Variants in CENPW observed in about 807,000 individuals in gnomAD.
CENPW encodes centromere protein W.
CENPW carries 3 observed loss-of-function variants against 11.1 expected under a neutral mutation model. That is an observed-to-expected ratio of 0.27 (90% confidence interval 0.12 to 0.70). CENPW has a LOEUF of 0.70. CENPW is among the 30% of genes least tolerant of loss of function. CENPW has a pLI of 0.77. For missense variants in CENPW, 100 were observed against 105.6 expected (o/e 0.95, Z 0.23); for synonymous variants, 38 against 42.0 (o/e 0.91, Z 0.37).
the CENPW span, among the ~76,000 whole-genome samples, chr6:126,472,254 C>G: frequency 6.6e-6 from 1 of 152,126 alleles, no homozygotes; most frequent in East Asian, 1.9e-4. Flanking sequence ...AATACATAAT[C>G]AAGAAATGTA....
chr6:126,428,559 G>A, the CENPW span, among the ~76,000 whole-genome samples: 13 of 152,056 alleles, frequency 8.5e-5, no homozygotes, highest in Non-Finnish European at 1.5e-4. Flanking sequence ...GGGTTTAGGC[G>A]CAACACATTC....
At chr6:126,356,575 T>G in the CENPW span, among the ~76,000 whole-genome samples, 1 of 152,220 alleles carries the variant, frequency 6.6e-6, no homozygotes, top group African/African-American at 2.4e-5. Flanking sequence ...AAGCATTCCC[T>G]TTTCTTTGCA....
At chr6:126,393,699 A>T in the CENPW span, among the ~76,000 whole-genome samples, 1 of 150,214 alleles carries the variant, frequency 6.7e-6, no homozygotes, top group Non-Finnish European at 1.5e-5. Context: ...GACCTAATGT[A>T]TGTTCTGTCC....
chr6:126,343,011 G>A (rs116753891), intron 1 of CENPW, among the ~76,000 whole-genome samples: 220 of 152,254 alleles, frequency 1.4e-3, no homozygotes, highest in African/African-American at 4.9e-3. Flanking sequence ...AAATGTAAAG[G>A]AATGCTGTGC....
the CENPW span, among the ~76,000 whole-genome samples, chr6:126,427,839 C>T: frequency 6.6e-6 from 1 of 152,188 alleles, no homozygotes; most frequent in Non-Finnish European, 1.5e-5. Context: ...ACTGACTGTA[C>T]ACGTGATGCC....
At chr6:126,363,085 A>G in the CENPW span, among the ~76,000 whole-genome samples, 1 of 152,236 alleles carries the variant, frequency 6.6e-6, no homozygotes, top group East Asian at 1.9e-4. Context: ...TGTTTCTTTA[A>G]TGAACAACAA....
At chr6:126,457,558 T>A in the CENPW span, among the ~76,000 whole-genome samples, 17 of 151,252 alleles carry the variant, frequency 1.1e-4, no homozygotes, top group African/African-American at 3.4e-4. Flanking sequence ...TGGGGCCTAC[T>A]GTAATCATTC....
chr6:126,356,652 C>T, the CENPW span, among the ~76,000 whole-genome samples: 264 of 152,146 alleles, frequency 1.7e-3, 1 homozygote, highest in Admixed American at 4.0e-3. Context: ...GATAGTATCT[C>T]ATTATGGTTT....
the CENPW span, among the ~76,000 whole-genome samples, chr6:126,461,581 A>G: frequency 6.6e-6 from 1 of 151,930 alleles, no homozygotes; most frequent in Non-Finnish European, 1.5e-5. Context: ...TAGTCTTCTC[A>G]TCTTTAAAAT....
chr6:126,391,212 T>G, the CENPW span, among the ~76,000 whole-genome samples: 1 of 152,042 alleles, frequency 6.6e-6, no homozygotes. Context: ...AATGCATTTC[T>G]CTGATGATCA....
chr6:126,357,332 C>A, the CENPW span, among the ~76,000 whole-genome samples: 1 of 152,050 alleles, frequency 6.6e-6, no homozygotes, highest in Non-Finnish European at 1.5e-5. Context: ...ATTACTGTAG[C>A]CTTATAGTAT....
chr6:126,424,348 C>T, the CENPW span, among the ~76,000 whole-genome samples: 2 of 152,088 alleles, frequency 1.3e-5, no homozygotes, highest in Non-Finnish European at 2.9e-5. Context: ...TCTTATTCAG[C>T]TAGTATGATA....
the CENPW span, among the ~76,000 whole-genome samples, chr6:126,482,278 T>TTTCCAGCAAGTACAATTTTCC: frequency 6.6e-6 from 1 of 152,022 alleles, no homozygotes; most frequent in African/African-American, 2.4e-5. Flanking sequence ...AGATAAGTGC[T>TTTCCAGCAAGTACAATTTTCC]TTCCAGCAAG....
the CENPW span, among the ~76,000 whole-genome samples, chr6:126,383,581 T>C: frequency 8.6e-5 from 13 of 151,156 alleles, no homozygotes; most frequent in South Asian, 2.1e-4. Flanking sequence ...TGGAGAAAAA[T>C]CTACCAAGGA....
At chr6:126,366,299 C>CT in the CENPW span, among the ~76,000 whole-genome samples, 4 of 151,888 alleles carry the variant, frequency 2.6e-5, no homozygotes, top group Non-Finnish European at 5.9e-5. Flanking sequence ...ATTTTATTAG[C>CT]TTTTTTGCTA....
At chr6:126,429,379 A>C in the CENPW span, among the ~76,000 whole-genome samples, 1 of 152,156 alleles carries the variant, frequency 6.6e-6, no homozygotes, top group Admixed American at 6.5e-5. Context: ...GACCTAGTAG[A>C]AGATGTTTGG....
chr6:126,367,243 A>G, the CENPW span, among the ~76,000 whole-genome samples: 1,093 of 152,154 alleles, frequency 7.2e-3, 12 homozygotes, highest in African/African-American at 0.025. Flanking sequence ...GGTTACCTGG[A>G]TGAGTTGTGT....
chr6:126,368,477 T>TATTGGA, the CENPW span, among the ~76,000 whole-genome samples: 1 of 152,010 alleles, frequency 6.6e-6, no homozygotes, highest in African/African-American at 2.4e-5. Flanking sequence ...AACTTTAATG[T>TATTGGA]ATTGGATTGG....
At chr6:126,414,544 A>G in the CENPW span, among the ~76,000 whole-genome samples, 1 of 152,134 alleles carries the variant, frequency 6.6e-6, no homozygotes, top group African/African-American at 2.4e-5. Flanking sequence ...TATGCTCCTG[A>G]ACAACCAATG....
Sources: allele counts gnomAD v4.1 joint callset (sites outside exome capture counted in the v4.1 genomes callset), GRCh38; gene constraint gnomAD v4.1.1; transcripts MANE v1.5; gene names NCBI Gene and HGNC (gene_info 2026-07-23, HGNC 2026-07-21).